The following POLR1B variants were observed in gnomAD, a reference collection of about 807,000 sequenced individuals.
POLR1B encodes the protein DNA-directed RNA polymerase I subunit RPA2.
In POLR1B, 30 loss-of-function variants were observed where a neutral mutation model predicts 105.8. The observed-to-expected ratio is 0.28, with a 90% CI of 0.21 to 0.38. The LOEUF (loss-of-function observed/expected upper bound fraction) is 0.38, where lower values mean the gene tolerates loss of function less well. POLR1B is among the 10% of genes least tolerant of loss of function. The probability of loss-of-function intolerance (pLI) is 1.00; values close to 1 mark genes in which losing one functional copy is unlikely to be tolerated. For synonymous variants in POLR1B, 485 were observed against 505.1 expected, an observed-to-expected ratio of 0.96 and a Z score of 0.53; for missense variants, 976 against 1,435.8, an observed-to-expected ratio of 0.68 and a Z score of 5.17.
At chr2:112,561,188 G>T (rs553425196) in intron 9 of POLR1B, among the ~76,000 whole-genome samples, 17 of 152,288 alleles carry the variant, frequency 1.1e-4, no homozygotes, top group Non-Finnish European at 1.6e-4. Flanking sequence ...ACGAGGAAAA[G>T]AATTTTGTTA....
At chr2:112,552,868 C>A in intron 7 of POLR1B, 52 bp downstream of exon 7, 1 of 1,401,952 alleles carries the variant, frequency 7.1e-7, no homozygotes, top group Non-Finnish European at 9.4e-7. Flanking sequence ...TGTGGAATGG[C>A]GTGACTTTGT....
chr2:112,542,777 C>T (rs1429909775), intron 1 of POLR1B, 106 bp downstream of exon 1: 1 of 1,408,098 alleles, frequency 7.1e-7, no homozygotes, highest in African/African-American at 1.4e-5. Context: ...TTGATCCTGA[C>T]AGGCTTGGTG....
chr2:112,545,174 C>T (rs1682970273), intron 1 of POLR1B, among the ~76,000 whole-genome samples: 1 of 152,182 alleles, frequency 6.6e-6, no homozygotes, highest in Non-Finnish European at 1.5e-5. Flanking sequence ...TTCCTAAGCA[C>T]AAGAAGGCTG....
At chr2:112,554,299 A>T (rs947823036) in intron 7 of POLR1B, among the ~76,000 whole-genome samples, 4 of 143,644 alleles carry the variant, frequency 2.8e-5, no homozygotes, top group Admixed American at 2.1e-4. Flanking sequence ...TGCCCGGCGA[A>T]TTTTTTTATT....
intron 12 of POLR1B, among the ~76,000 whole-genome samples, chr2:112,570,335 AC>A (rs1684527617): frequency 6.6e-6 from 1 of 152,188 alleles, no homozygotes; most frequent in East Asian, 1.9e-4. Flanking sequence ...GGTGTGAGCC[AC>A]TGCACCTGGC....
intron 12 of POLR1B, among the ~76,000 whole-genome samples, chr2:112,571,237 A>C (rs1341820849): frequency 2.0e-5 from 3 of 152,158 alleles, no homozygotes; most frequent in Non-Finnish European, 4.4e-5. Flanking sequence ...TCTTAGTATC[A>C]GTCTCTTTGA....
rs751323260 is a variant in POLR1B at position 112,573,666 on chromosome 2, G to A, written c.2376G>A (p.Leu792=). The part of the protein sequence containing the change: ...SEKIKQGDSS[L]VFGIKPGDPR... Reference sequence around the variant, plus strand: ...AAATTAAACAAGGAGATAGTAGCCTGGTGTTTGGCATCAAACCTGGTGACC... The same window carrying A: ...AAATTAAACAAGGAGATAGTAGCCTAGTGTTTGGCATCAAACCTGGTGACC... The change falls in exon 14 of 15, where the codon CTG becomes CTA. Residue 792 remains leucine (L), a synonymous_variant. Transcript: ENST00000263331. 3.7e-6 allele frequency: 6 copies of A among 1,614,194 alleles called. No individual in the cohort carries two copies. The highest frequency in any genetic ancestry group is 1.3e-5 in the African/African-American group (1 of 75,044).
At chr2:112,572,856 C>G in intron 13 of POLR1B, 98 bp downstream of exon 13, 1 of 1,087,684 alleles carries the variant, frequency 9.2e-7, no homozygotes, top group East Asian at 2.5e-5. Context: ...TACCCAAGTA[C>G]CTAGTATTTG....
intron 12 of POLR1B, among the ~76,000 whole-genome samples, chr2:112,569,174 G>A (rs1380221681): frequency 6.6e-6 from 1 of 152,200 alleles, no homozygotes; most frequent in South Asian, 2.1e-4. Context: ...GGTATAGAAT[G>A]TCCATAGATT....
chr2:112,566,204 G>A (rs1000395770), intron 10 of POLR1B, among the ~76,000 whole-genome samples: 2 of 152,342 alleles, frequency 1.3e-5, no homozygotes, highest in Non-Finnish European at 2.9e-5. Flanking sequence ...AGCACATGAC[G>A]TTGGTTTGTC....
intron 9 of POLR1B, 43 bp downstream of exon 9, chr2:112,559,617 GT>G (rs756049497): frequency 4.4e-6 from 7 of 1,577,662 alleles, no homozygotes; most frequent in East Asian, 4.5e-5. Flanking sequence ...GGTTATGTGG[GT>G]TTTTTTGTGT....
At chr2:112,567,387 T>C (rs919232570) in intron 10 of POLR1B, among the ~76,000 whole-genome samples, 1 of 151,964 alleles carries the variant, frequency 6.6e-6, no homozygotes, top group African/African-American at 2.4e-5. Context: ...TGGAGTTTTT[T>C]TGTTTTGTTT....
intron 1 of POLR1B, chr2:112,545,860 G>A (rs894719074): frequency 9.0e-6 from 3 of 334,676 alleles, no homozygotes; most frequent in African/African-American, 2.3e-5. Flanking sequence ...GGCCCAGCCT[G>A]GTCTCAAACT....
chr2:112,550,076 A>G (rs550841509), intron 4 of POLR1B, among the ~76,000 whole-genome samples: 1 of 152,356 alleles, frequency 6.6e-6, no homozygotes, highest in African/African-American at 2.4e-5. Context: ...TGGCTTGGCC[A>G]TAAGTGGGTG....
At position 112,562,940 on chromosome 2, in the gene POLR1B, G is replaced by A. The variant is rs1684080238; in HGVS notation, c.1613-1426G>A. 3.3e-5 allele frequency among the ~76,000 whole-genome samples: 5 copies of A among 151,740 alleles called. No homozygotes were observed. The South Asian group carries it at 1.0e-3, about 32-fold the overall frequency. Reference sequence around the variant, plus strand: ...GACGGGGTTTTTCCATGTTGGTCAGGTTGGTGTCGAACTCTCGACCTCAGG... The same window carrying A: ...GACGGGGTTTTTCCATGTTGGTCAGATTGGTGTCGAACTCTCGACCTCAGG... On this transcript the variant is annotated intron_variant, in intron 9 of 14. Transcript: ENST00000263331.
chr2:112,575,815 A>G lies in POLR1B; in HGVS notation c.*86A>G. ...TCAATGAAGATATCATTACCAGGTT[A>G]CTCTTGAGATTTTTCAACGGTGTTA... is the stretch of plus-strand genomic sequence containing the variant. On this transcript the variant is annotated 3_prime_UTR_variant, in exon 15 of 15. Transcript: ENST00000263331. The surrounding 1 kb of genome is among the most constrained non-coding windows in gnomAD (Gnocchi z 5.3). 3 of 1,424,828 alleles carry G rather than the reference A, an allele frequency of 2.1e-6. No homozygotes were observed. Among genetic ancestry groups the G allele is most frequent in the Non-Finnish European group, 2.8e-6 (3 of 1,057,762 alleles). 88.3% of individuals were successfully genotyped at this position (1,424,828 alleles called of 1,614,324 possible).
intron 12 of POLR1B, among the ~76,000 whole-genome samples, 170 bp from the exon 13 acceptor site, chr2:112,572,392 T>C (rs1325469459): frequency 2.0e-5 from 3 of 152,234 alleles, no homozygotes; most frequent in African/African-American, 7.2e-5. Context: ...ACATTTAGGT[T>C]TACTTCATTT....
At chr2:112,543,743 G>A (rs1428617261) in intron 1 of POLR1B, among the ~76,000 whole-genome samples, 1 of 152,116 alleles carries the variant, frequency 6.6e-6, no homozygotes, top group African/African-American at 2.4e-5. Context: ...TATTTGTATT[G>A]TGCCTGGATT....
intron 9 of POLR1B, among the ~76,000 whole-genome samples, chr2:112,561,097 G>A (rs950300762): frequency 3.3e-5 from 5 of 151,820 alleles, no homozygotes; most frequent in Non-Finnish European, 7.4e-5. Context: ...TGGCCTGTAA[G>A]AAGAGGGCCC....
Sources: gnomAD v4.1 joint callset for allele counts (sites outside exome capture counted in the v4.1 genomes callset) on GRCh38, gnomAD v4.1.1 for gene constraint, Gnocchi (gnomAD v3.1) non-coding constraint, MANE v1.5 for transcripts, NCBI Gene and HGNC (gene_info 2026-07-23, HGNC 2026-07-21) for gene names.